The following BTD variants were observed in gnomAD, a reference collection of about 807,000 sequenced individuals.
The protein encoded by BTD is biotinidase.
In BTD, 13 loss-of-function variants were observed where a neutral mutation model predicts 17.7. The ratio of observed to expected loss-of-function variants is 0.74; its 90% CI spans 0.48 to 1.17. BTD has a LOEUF of 1.17. Among genes scored for constraint, BTD ranks in the 50% most tolerant of loss-of-function variants. The pLI is 0.00. For synonymous variants in BTD, 240 were observed against 245.2 expected, an observed-to-expected ratio of 0.98 and a Z score of 0.20; for missense variants, 674 against 650.4, an observed-to-expected ratio of 1.04 and a Z score of -0.39.
chr3:15,677,152 C>A, intron 3 of BTD: 1 of 915,264 alleles, frequency 1.1e-6, no homozygotes, highest in South Asian at 1.4e-5. Context: ...ATATTATGTA[C>A]AACACCATAC....
chr3:15,719,481 A>G (rs2073456506), intron 4 of BTD, among the ~76,000 whole-genome samples: 1 of 152,216 alleles, frequency 6.6e-6, no homozygotes, highest in Non-Finnish European at 1.5e-5. Context: ...TAATAAAATG[A>G]TTATATATTA....
chr3:15,637,231 T>G (rs77157430), intron 2 of BTD, among the ~76,000 whole-genome samples: 2,422 of 152,160 alleles, frequency 0.016, 66 homozygotes, highest in African/African-American at 0.052. Context: ...GACTTCCATG[T>G]TTTCTCTGTG....
At chr3:15,623,296 A>T (rs756831932) in intron 1 of BTD, among the ~76,000 whole-genome samples, 48 of 152,224 alleles carry the variant, frequency 3.2e-4, no homozygotes, top group Non-Finnish European at 6.9e-4. Context: ...ATGTGTCTTT[A>T]TAAAGTGGGT....
rs2065752809 is a variant in BTD, at chr3:15,648,879, A to C, written c.*3391A>C. Among the ~76,000 whole-genome samples the C allele has an allele frequency of 6.6e-6, 1 of 152,232 alleles. No individual in the cohort carries two copies. The highest frequency in any genetic ancestry group is 1.5e-5 in the Non-Finnish European group (1 of 68,042). ...GATGACCATGTGACAACAGGGGCAG[A>C]GATCACAGGGATGCCTCTACTAGAC... is the stretch of plus-strand genomic sequence containing the variant. On this transcript the variant is annotated 3_prime_UTR_variant, in exon 4 of 4. Coordinates refer to ENST00000643237, the MANE Select transcript of BTD (RefSeq NM_001370658.1).
chr3:15,696,998 A>G (rs1326161777), intron 3 of BTD, among the ~76,000 whole-genome samples: 1 of 152,226 alleles, frequency 6.6e-6, no homozygotes, highest in Non-Finnish European at 1.5e-5. Context: ...GCATGTTTAT[A>G]GCAGTACAAT....
chr3:15,676,061 C>T (rs748226260), intron 3 of BTD: 27 of 1,290,568 alleles, frequency 2.1e-5, no homozygotes, highest in Non-Finnish European at 2.9e-5. Flanking sequence ...ACCTGGCTGT[C>T]AAAGAGCATT....
At chr3:15,717,416 G>A (rs2073195189), downstream of BTD, among the ~76,000 whole-genome samples, 2 of 151,984 alleles carry the variant, frequency 1.3e-5, no homozygotes, top group Admixed American at 6.6e-5. Context: ...CATAAGACAC[G>A]TTAGCGGGGA....
rs750854903 is a variant in BTD at position 15,601,810 on chromosome 3, G to A, written c.-101G>A. 1 of 1,614,130 alleles carries A rather than the reference G, an allele frequency of 6.2e-7. No individual in the cohort carries two copies. Among genetic ancestry groups the A allele is most frequent in the Non-Finnish European group, 8.5e-7 (1 of 1,180,028 alleles). On this transcript the variant is annotated 5_prime_UTR_variant, in exon 1 of 4. Transcript: ENST00000643237. ...TCTGAGGCCTCTCGCCATTGTCTCC[G>A]AGTCGGCCAGCTGGAGCGTTTTCGG...
At chr3:15,611,925 A>G (rs780295661) in intron 1 of BTD, among the ~76,000 whole-genome samples, 2 of 151,478 alleles carry the variant, frequency 1.3e-5, no homozygotes, top group African/African-American at 2.4e-5. Context: ...TTTGTTTTGT[A>G]TATTTGTTTC....
At chr3:15,700,666 C>T (rs1034377787) in intron 3 of BTD, among the ~76,000 whole-genome samples, 2 of 151,854 alleles carry the variant, frequency 1.3e-5, no homozygotes, top group African/African-American at 2.4e-5. Flanking sequence ...CCCAGCTACT[C>T]GGGAGGCTGA....
At chr3:15,613,505 C>T (rs548352785) in intron 1 of BTD, among the ~76,000 whole-genome samples, 22 of 152,114 alleles carry the variant, frequency 1.4e-4, no homozygotes, top group African/African-American at 4.1e-4. Flanking sequence ...TCTCCCTTCT[C>T]TCTTCTTCCC....
intron 3 of BTD, chr3:15,707,879 T>G: frequency 6.3e-7 from 1 of 1,575,726 alleles, no homozygotes; most frequent in Non-Finnish European, 8.7e-7. Flanking sequence ...AAGATGCCAG[T>G]TTATAGAAAT....
At position 15,647,527 on chromosome 3, in the gene BTD, G is replaced by GAA. The variant is rs1005977527; in HGVS notation, c.*2042_*2043dup. ...ATTGCTCGTGAAGTAGAAATGAGGG[G>GAA]AAAAGCAACTAATGGTGGTAGAACA... On this transcript the variant is annotated 3_prime_UTR_variant, in exon 4 of 4. Transcript: ENST00000643237. 13 of 152,270 alleles carry GAA rather than the reference G, an allele frequency of 8.5e-5. No homozygotes were observed. Among genetic ancestry groups the GAA allele is most frequent in the African/African-American group, 2.9e-4 (12 of 41,560 alleles). 9.4% of individuals were successfully genotyped at this position (152,270 alleles called of 1,614,324 possible).
At chr3:15,603,429 G>A (rs924228187) in intron 1 of BTD, among the ~76,000 whole-genome samples, 2 of 152,104 alleles carry the variant, frequency 1.3e-5, no homozygotes, top group African/African-American at 2.4e-5. Flanking sequence ...AGGCCGAGGC[G>A]GGCGGATCAT....
Position 15,619,073 on chromosome 3 carries a change from C to T in BTD, c.-16-16351C>T, listed in dbSNP as rs192214728. Among the ~76,000 whole-genome samples the T allele has an allele frequency of 1.8e-3, 276 of 152,276 alleles. 1 individual carries two copies. The highest frequency in any genetic ancestry group is 6.2e-3 in the African/African-American group (256 of 41,542). ...TGCTTTTTGCATTAGCTAGGACTTA[C>T]GGTATGATGTTGAAAAGCAGTGGTG... is the stretch of plus-strand genomic sequence containing the variant. On this transcript the variant is annotated intron_variant, in intron 1 of 3. Coordinates refer to ENST00000643237, the MANE Select transcript of BTD (RefSeq NM_001370658.1).
intron 3 of BTD, chr3:15,695,109 G>T: frequency 8.6e-7 from 1 of 1,159,818 alleles, no homozygotes; most frequent in Non-Finnish European, 1.3e-6. Context: ...CAGCTCTAAT[G>T]AGAGCAAACA....
chr3:15,601,899 G>A lies in BTD; in HGVS notation c.-17+5G>A, dbSNP rs1204599121. The A allele has an allele frequency of 6.2e-7, 1 of 1,613,708 alleles. No homozygotes were observed. The highest frequency in any genetic ancestry group is 1.7e-5 in the Admixed American group (1 of 60,020). On this transcript the variant is annotated splice_donor_5th_base_variant and intron_variant, in intron 1 of 3. Coordinates refer to ENST00000643237, the MANE Select transcript of BTD (RefSeq NM_001370658.1). ...CGGAAGGCGCGCTAAGAGCAGGTAC[G>A]GAGGGGGCGTGGTGCGGCGCGGAGG...
intron 3 of BTD, among the ~76,000 whole-genome samples, chr3:15,698,954 C>G (rs1246533862): frequency 1.3e-5 from 2 of 152,180 alleles, no homozygotes; most frequent in East Asian, 3.8e-4. Context: ...GCCAAAAGAA[C>G]AAAGCTGGAA....
intron 3 of BTD, among the ~76,000 whole-genome samples, chr3:15,679,957 T>C (rs2067360637): frequency 6.6e-6 from 1 of 152,072 alleles, no homozygotes; most frequent in Non-Finnish European, 1.5e-5. Context: ...AATCCAGAGA[T>C]GATTTAAAGT....
Sources: allele counts gnomAD v4.1 joint callset (sites outside exome capture counted in the v4.1 genomes callset), GRCh38; gene constraint gnomAD v4.1.1; transcripts MANE v1.5; gene names NCBI Gene and HGNC (gene_info 2026-07-23, HGNC 2026-07-21).